The following FAAP20 variants were observed in gnomAD, a reference collection of about 807,000 sequenced individuals.
FAAP20 encodes the protein FA core complex associated protein 20.
FAAP20 carries 12 observed loss-of-function variants against 16.2 expected under a neutral mutation model. The observed-to-expected ratio is 0.74, with a 90% CI of 0.48 to 1.20. FAAP20 has a LOEUF of 1.20. Ranked by LOEUF, FAAP20 falls within the 50% of genes most tolerant of loss-of-function variation. The pLI, the probability that FAAP20 is intolerant of heterozygous loss-of-function variation, is 0.00. For synonymous variants in FAAP20, 141 were observed against 110.7 expected (o/e 1.27, Z -1.72); for missense variants, 288 against 245.8 (o/e 1.17, Z -1.15).
At chr1:2,185,417 C>T (rs375474668), downstream of FAAP20, 102 of 718,710 alleles carry the variant, frequency 1.4e-4, no homozygotes, top group African/African-American at 9.1e-4. Context: ...GCCTTTTTTC[C>T]GTGAGTGGCG....
chr1:2,199,222 C>G (rs1356719424), upstream of FAAP20: 1 of 1,164,792 alleles, frequency 8.6e-7, no homozygotes, highest in Non-Finnish European at 1.1e-6. This position sits in a 1 kb window ranked among gnomAD's most constrained non-coding sequence, Gnocchi z 4.5. Flanking sequence ...GCCGCCCTCT[C>G]TCAAAGTCCC....
downstream of FAAP20, chr1:2,185,541 T>G (rs573393927): frequency 2.4e-5 from 17 of 713,424 alleles, no homozygotes; most frequent in African/African-American, 1.7e-4. Flanking sequence ...AATCAAGAAT[T>G]GTTTCCTAAA....
At chr1:2,196,995 G>A (rs568183810), upstream of FAAP20, among the ~76,000 whole-genome samples, 31 of 152,278 alleles carry the variant, frequency 2.0e-4, no homozygotes, top group South Asian at 6.4e-3. The surrounding 1 kb of genome is among the most constrained non-coding windows in gnomAD (Gnocchi z 4.5). Flanking sequence ...GGACCCGGGG[G>A]TGGCTCCTGC....
At chr1:2,198,808 T>A (rs776099457), upstream of FAAP20, 5 of 1,289,680 alleles carry the variant, frequency 3.9e-6, no homozygotes, top group East Asian at 5.5e-5. Flanking sequence ...AGCCAGGAAC[T>A]GGGCTGTGCT....
At chr1:2,190,277 A>G (rs1688054133) in intron 3 of FAAP20, 2 of 456,572 alleles carry the variant, frequency 4.4e-6, no homozygotes, top group Non-Finnish European at 8.8e-6. Flanking sequence ...CACCACGGAG[A>G]AGGACGCCGT....
chr1:2,189,105 G>C (rs2100635388), downstream of FAAP20, among the ~76,000 whole-genome samples: 1 of 151,962 alleles, frequency 6.6e-6, no homozygotes, highest in Non-Finnish European at 1.5e-5. Flanking sequence ...CAAGGCGGGA[G>C]GATCGCTTGG....
chr1:2,207,963 C>T (rs547142902), downstream of FAAP20, among the ~76,000 whole-genome samples: 6 of 147,674 alleles, frequency 4.1e-5, no homozygotes, highest in East Asian at 4.4e-4. Flanking sequence ...TGTCCGTGCG[C>T]GCGCGCATGC....
chr1:2,193,709 GCT>G lies in FAAP20; in HGVS notation c.398_399del (p.Glu133AlafsTer31). On this transcript the variant is annotated frameshift_variant, in exon 3 of 4. Coordinates refer to ENST00000378546, the MANE Select transcript of FAAP20 (RefSeq NM_182533.4). LOFTEE classifies it high-confidence loss of function. ...GCGGCACCCTCCACAGACGGCTGCTGCTCCACCCTGGGGGCCCTGCAGGGATC... is the reference window on the plus strand; with the variant it reads ...GCGGCACCCTCCACAGACGGCTGCTGCCACCCTGGGGGCCCTGCAGGGATC... ...APDPCRAPRV[E>X]QQPSVEGAAA... 6.3e-7 allele frequency: 1 copy of G among 1,592,966 alleles called. No homozygotes were observed. The highest frequency in any genetic ancestry group is 8.5e-7 in the Non-Finnish European group (1 of 1,173,322).
Position 2,193,773 on chromosome 1 carries a change from T to A in FAAP20, c.336A>T (p.Glu112Asp). ...GCTGGGGCAGGGACCTGGCGGGGGA[T>A]TCCAGGTGCCCTCCTGCCCCGTGAA... is the stretch of plus-strand genomic sequence containing the variant. The part of the protein sequence containing the change: ...RLLHGAGGHL[E>D]SPARSLPQRP... Residue 112 changes from glutamate (E) to aspartate (D), a missense_variant, in exon 3 of 4, where the codon GAA becomes GAT. Physicochemically the swap from Glu to Asp is conservative, Grantham distance 45 (BLOSUM62 2). Coordinates refer to ENST00000378546, the MANE Select transcript of FAAP20 (RefSeq NM_182533.4). 1 of 1,595,146 alleles carries A rather than the reference T, an allele frequency of 6.3e-7. No individual in the cohort carries two copies. Among genetic ancestry groups the A allele is most frequent in the Non-Finnish European group, 8.5e-7 (1 of 1,174,478 alleles).
upstream of FAAP20, chr1:2,198,576 C>T (rs909548133): frequency 2.2e-5 from 20 of 903,742 alleles, no homozygotes; most frequent in African/African-American, 8.8e-5. Context: ...ACAGCGGTGA[C>T]GGGCCCTGAG....
At chr1:2,198,474 G>A (rs757972939), upstream of FAAP20, 21 of 413,504 alleles carry the variant, frequency 5.1e-5, no homozygotes, top group Admixed American at 1.6e-4. Context: ...TCCTTCCACC[G>A]CGGAAGAACA....
At chr1:2,184,569 A>T (rs756392599), downstream of FAAP20, 1 of 1,609,740 alleles carries the variant, frequency 6.2e-7, no homozygotes, top group Admixed American at 1.7e-5. Context: ...CCCTTCTCCT[A>T]TTGTTTTTCC....
upstream of FAAP20, among the ~76,000 whole-genome samples, chr1:2,196,001 G>T (rs1688805354): frequency 6.6e-6 from 1 of 152,184 alleles, no homozygotes; most frequent in South Asian, 2.1e-4. The surrounding 1 kb of genome is among the most constrained non-coding windows in gnomAD (Gnocchi z 4.5). Context: ...AGGCCGTGTG[G>T]TCTCAGGGGG....
upstream of FAAP20, chr1:2,199,292 C>A: frequency 1.9e-6 from 2 of 1,065,518 alleles, no homozygotes; most frequent in Non-Finnish European, 2.3e-6. The surrounding 1 kb of genome is among the most constrained non-coding windows in gnomAD (Gnocchi z 4.5). Flanking sequence ...TCCATCCCCA[C>A]GTGTCGGGCT....
At chr1:2,190,636 G>T (rs995480510) in intron 3 of FAAP20, 1 of 348,300 alleles carries the variant, frequency 2.9e-6, no homozygotes, top group Admixed American at 3.8e-5. Context: ...CAGAGCTGCC[G>T]GGGACGATGT....
At chr1:2,202,287 G>A (rs1445961756), upstream of FAAP20, among the ~76,000 whole-genome samples, 2 of 152,078 alleles carry the variant, frequency 1.3e-5, no homozygotes, top group African/African-American at 2.4e-5. Context: ...CTCCATATGT[G>A]CCACCGGACC....
upstream of FAAP20, chr1:2,199,535 G>C: frequency 2.0e-6 from 2 of 986,050 alleles, no homozygotes; most frequent in African/African-American, 1.7e-5. The surrounding 1 kb of genome is among the most constrained non-coding windows in gnomAD (Gnocchi z 4.5). Flanking sequence ...CTCAGAGTGC[G>C]CGGCACCAAG....
chr1:2,195,170 C>A (rs989859704), upstream of FAAP20, among the ~76,000 whole-genome samples: 2 of 152,220 alleles, frequency 1.3e-5, no homozygotes, highest in Non-Finnish European at 2.9e-5. Context: ...GCTTGAAATC[C>A]GCCGTCGCCA....
intron 3 of FAAP20, chr1:2,190,400 G>GA (rs1197671704): frequency 6.7e-6 from 3 of 449,624 alleles, no homozygotes; most frequent in Non-Finnish European, 1.4e-5. Flanking sequence ...GGTGGCAGGA[G>GA]AAAACCCATC....
Sources: allele counts gnomAD v4.1 joint callset (sites outside exome capture counted in the v4.1 genomes callset), GRCh38; gene constraint gnomAD v4.1.1; non-coding constraint Gnocchi (gnomAD v3.1); transcripts MANE v1.5; gene names NCBI Gene and HGNC (gene_info 2026-07-23, HGNC 2026-07-21).